The following GPR153 variants were observed in gnomAD, a reference collection of about 807,000 sequenced individuals.
GPR153 encodes the protein G protein-coupled receptor 153.
GPR153 carries 27 observed loss-of-function variants against 34.1 expected under a neutral mutation model. That is an observed-to-expected ratio of 0.79 (90% CI 0.58 to 1.09). GPR153 has a LOEUF of 1.09. Ranked by LOEUF, GPR153 falls within the 50% of genes least tolerant of loss-of-function variation. The pLI is 0.00. For synonymous variants in GPR153, 408 were observed against 405.4 expected (o/e 1.01, Z -0.08); for missense variants, 848 against 860.2 (o/e 0.99, Z 0.18).
At chr1:6,255,642 G>GTTTTTTTTTTTTTTTTTTTTTTTTT (rs59403526) in intron 1 of GPR153, among the ~76,000 whole-genome samples, 1 of 38,840 alleles carries the variant, frequency 2.6e-5, no homozygotes, top group African/African-American at 9.6e-5. Flanking sequence ...GCCTGGCTAC[G>GTTTTTTTTTTTTTTTTTTTTTTTTT]TTTTTTTTTT....
chr1:6,256,375 CTT>C (rs70981378), intron 1 of GPR153, among the ~76,000 whole-genome samples: 13 of 141,448 alleles, frequency 9.2e-5, no homozygotes, highest in African/African-American at 7.8e-5. Flanking sequence ...TCTTTCTTTT[CTT>C]TTTTTTTTTT....
Position 6,250,003 on chromosome 1 carries a change from C to A in GPR153, c.1165G>T (p.Val389Phe). ...LQEDKMQYLQ[V>F]PPTRRFSHDD... ...TGGGAGAAGCGCCGCGTGGGCGGGA[C>A]CTGTCAGGACGCGGCTGGCTTTTAC... Residue 389 changes from valine (V) to phenylalanine (F), a missense_variant and splice_region_variant, in exon 6 of 6, where the codon GTC (valine) becomes TTC (phenylalanine). Physicochemically the swap from Val to Phe is conservative, Grantham distance 50. Coordinates refer to ENST00000377893, the MANE Select transcript of GPR153 (RefSeq NM_207370.4). 4 of 1,257,236 alleles carry A rather than the reference C, an allele frequency of 3.2e-6. No homozygotes were observed. Among genetic ancestry groups the A allele is most frequent in the Non-Finnish European group, 3.0e-6 (3 of 994,438 alleles). The allele number at this position is 1,257,236 out of a possible 1,614,324, so 77.9% of individuals were successfully genotyped here. A position where few individuals can be genotyped will look rare whatever the true frequency, so the allele number is the denominator to read the frequency against.
In GPR153 at chr1:6,254,822, G is replaced by A. The variant is rs1418238792; in HGVS notation, c.84C>T (p.Gly28=). ...GGLSLLANAW[G]ILSVGAKQKK... ...TCTGCTTGGCGCCAACGCTGAGGAT[G>A]CCCCAGGCATTGGCCAGCAGGGAGA... The change falls in exon 2 of 6, where the codon GGC becomes GGT. Residue 28 remains glycine (G), a synonymous_variant. Transcript: ENST00000377893. 6.2e-7 allele frequency: 1 copy of A among 1,612,564 alleles called. No individual in the cohort carries two copies. The highest frequency in any genetic ancestry group is 1.1e-5 in the South Asian group (1 of 91,006).
In GPR153 at chr1:6,260,969, G is replaced by A. The variant is rs1035178893; in HGVS notation, c.-254C>T. ...GCGGCCCGCGGGCCGGGGCATGCTG[G>A]CGGCGGCCACCGGCGGCCGGCGCGC... On this transcript the variant is annotated 5_prime_UTR_variant, in exon 1 of 6. Coordinates refer to ENST00000377893, the MANE Select transcript of GPR153 (RefSeq NM_207370.4). 6.8e-6 allele frequency: 1 copy of A among 146,058 alleles called. No homozygotes were observed. Among genetic ancestry groups the A allele is most frequent in the African/African-American group, 2.5e-5 (1 of 40,756 alleles). The allele number at this position is 146,058 out of a possible 1,614,324, so 9.0% of individuals were successfully genotyped here.
chr1:6,257,700 C>T (rs939787438), intron 1 of GPR153, among the ~76,000 whole-genome samples: 2 of 152,238 alleles, frequency 1.3e-5, no homozygotes, highest in East Asian at 1.9e-4. Context: ...GAGGAAGTGC[C>T]GATGGCCTTT....
rs745735949 is a variant in GPR153 at position 6,251,370 on chromosome 1, G to A, written c.947C>T (p.Ala316Val). The change falls in exon 4 of 6, where the codon GCC (alanine) becomes GTC (valine). Residue 316 changes from alanine to valine, a missense_variant. By Grantham distance (64) the Ala-to-Val change is moderately conservative (BLOSUM62 0). Transcript: ENST00000377893. The surrounding 1 kb of genome is among the most constrained non-coding windows in gnomAD (Gnocchi z 4.9). Reference sequence around the variant, plus strand: ...TGACTCCTCGTCGTTGGCCATGAGGGCCATGCACTTCTCCCGGACAGCTTT... The same window carrying A: ...TGACTCCTCGTCGTTGGCCATGAGGACCATGCACTTCTCCCGGACAGCTTT... ...DLKAVREKCM[A>V]LMANDEESDD... 2 of 1,612,210 alleles carry A rather than the reference G, an allele frequency of 1.2e-6. No individual in the cohort carries two copies. Among genetic ancestry groups the A allele is most frequent in the South Asian group, 2.2e-5 (2 of 90,888 alleles).
Position 6,248,873 on chromosome 1 carries a change from C to G in GPR153, c.*465G>C, listed in dbSNP as rs1638361549. ...AGACCCTCTGTACCCTCCCCCCCCC[C>G]GAAGGGTGTGGCGGTTATGGTGCAG... is the stretch of plus-strand genomic sequence containing the variant. On this transcript the variant is annotated 3_prime_UTR_variant, in exon 6 of 6. Transcript: ENST00000377893. 1 of 154,000 alleles carries G rather than the reference C, an allele frequency of 6.5e-6. No individual in the cohort carries two copies. Among genetic ancestry groups the G allele is most frequent in the Middle Eastern group, 3.4e-3 (1 of 298 alleles). 9.5% of individuals were successfully genotyped at this position (154,000 alleles called of 1,614,324 possible). A position where few individuals can be genotyped will look rare whatever the true frequency, so the allele number is the denominator to read the frequency against.
Position 6,254,124 on chromosome 1 carries a change from G to T in GPR153, c.380C>A (p.Ala127Glu). 1 of 1,609,938 alleles carries T rather than the reference G, an allele frequency of 6.2e-7. No individual in the cohort carries two copies. The highest frequency in any genetic ancestry group is 8.5e-7 in the Non-Finnish European group (1 of 1,176,950). ...NYRLSNAKKQ[A>E]VHTVMGIWMV... ...CCAGATACCCATGACTGTGTGCACC[G>T]CCTGCTTCTTGGCATTGCTCAGCCT... The change falls in exon 3 of 6, where the codon GCG (alanine) becomes GAG (glutamate). Residue 127 changes from alanine to glutamate, a missense_variant. By Grantham distance (107) the Ala-to-Glu change is moderately radical. Transcript: ENST00000377893.
Position 6,251,403 on chromosome 1 carries a change from G to C in GPR153, c.914C>G (p.Ala305Gly), listed in dbSNP as rs1199831777. The part of the protein sequence containing the change: ...VFLWACDRYR[A>G]DLKAVREKCM... ...CTTCTCCCGGACAGCTTTGAGGTCAGCCCGGTAGCGGTCGCAGGCCCAGAG... is the reference window on the plus strand; with the variant it reads ...CTTCTCCCGGACAGCTTTGAGGTCACCCCGGTAGCGGTCGCAGGCCCAGAG... Residue 305 changes from alanine to glycine, a missense_variant, in exon 4 of 6, where the codon GCT becomes GGT. Ala to Gly is a moderately conservative substitution (Grantham distance 60). Transcript: ENST00000377893. This position sits in a 1 kb window ranked among gnomAD's most constrained non-coding sequence, Gnocchi z 4.9. The C allele has an allele frequency of 1.2e-6, 2 of 1,613,484 alleles. No individual in the cohort carries two copies. The highest frequency in any genetic ancestry group is 1.7e-6 in the Non-Finnish European group (2 of 1,179,946).
chr1:6,258,348 C>T (rs1005429750), intron 1 of GPR153, among the ~76,000 whole-genome samples: 2 of 152,174 alleles, frequency 1.3e-5, no homozygotes, highest in African/African-American at 4.8e-5. Flanking sequence ...AGGCTGGTCT[C>T]GAACTCCTGA....
intron 4 of GPR153, 99 bp from the exon 5 acceptor site, chr1:6,250,723 A>G (rs1232441499): frequency 1.5e-6 from 1 of 651,530 alleles, no homozygotes; most frequent in Non-Finnish European, 2.7e-6. Flanking sequence ...AGATCCCCCA[A>G]CAGACATATA....
At position 6,251,813 on chromosome 1, in the gene GPR153, T is replaced by G. The variant is rs555601086; in HGVS notation, c.787-283A>C. 6.6e-6 allele frequency among the ~76,000 whole-genome samples: 1 copy of G among 152,290 alleles called. No homozygotes were observed. Among genetic ancestry groups the G allele is most frequent in the East Asian group, 1.9e-4 (1 of 5,182 alleles). Reference sequence around the variant, plus strand: ...GATTACCACCTCCTCCCCGCTTTGTTTTGAGACAGTCTCATTCTGTCACCC... The same window carrying G: ...GATTACCACCTCCTCCCCGCTTTGTGTTGAGACAGTCTCATTCTGTCACCC... On this transcript the variant is annotated intron_variant, in intron 3 of 5. Coordinates refer to ENST00000377893, the MANE Select transcript of GPR153 (RefSeq NM_207370.4). The surrounding 1 kb of genome is among the most constrained non-coding windows in gnomAD (Gnocchi z 4.9).
intron 1 of GPR153, among the ~76,000 whole-genome samples, chr1:6,258,805 C>T (rs554440818): frequency 6.7e-6 from 1 of 150,078 alleles, no homozygotes; most frequent in Non-Finnish European, 1.5e-5. Context: ...CGTGAACAAG[C>T]TCTGTCTAGC....
chr1:6,251,110 C>T lies in GPR153; in HGVS notation c.979+228G>A, dbSNP rs1638438971. Among the ~76,000 whole-genome samples, 1 of 152,170 alleles carries T rather than the reference C, an allele frequency of 6.6e-6. No individual in the cohort carries two copies. Among genetic ancestry groups the T allele is most frequent in the Admixed American group, 6.5e-5 (1 of 15,278 alleles). On this transcript the variant is annotated intron_variant, in intron 4 of 5. Coordinates refer to ENST00000377893, the MANE Select transcript of GPR153 (RefSeq NM_207370.4). The surrounding 1 kb of genome is among the most constrained non-coding windows in gnomAD (Gnocchi z 4.9). ...CCCTGCTCTCTGTTAACCAGAACATCCCATTACTTGGAACCTGGGGCAGCC... is the reference window on the plus strand; with the variant it reads ...CCCTGCTCTCTGTTAACCAGAACATTCCATTACTTGGAACCTGGGGCAGCC...
Position 6,249,312 on chromosome 1 carries a change from G to C in GPR153, c.*26C>G. The C allele has an allele frequency of 8.0e-7, 1 of 1,255,580 alleles. No homozygotes were observed. Among genetic ancestry groups the C allele is most frequent in the Non-Finnish European group, 1.0e-6 (1 of 1,000,404 alleles). 77.8% of individuals were successfully genotyped at this position (1,255,580 alleles called of 1,614,324 possible). The stretch of plus-strand genomic sequence containing the variant: ...CCCGGAGAGCGGCCTGGCCTGCCTG[G>C]CGTCCGTGGGGAGGCGCCGGCGGTC... On this transcript the variant is annotated 3_prime_UTR_variant, in exon 6 of 6. Coordinates refer to ENST00000377893, the MANE Select transcript of GPR153 (RefSeq NM_207370.4). This position sits in a 1 kb window ranked among gnomAD's most constrained non-coding sequence, Gnocchi z 4.3.
Position 6,249,450 on chromosome 1 carries a change from C to A in GPR153, c.1718G>T (p.Gly573Val). Residue 573 changes from glycine to valine, a missense_variant, in exon 6 of 6, where the codon GGG becomes GTG. Coordinates refer to ENST00000377893, the MANE Select transcript of GPR153 (RefSeq NM_207370.4). The surrounding 1 kb of genome is among the most constrained non-coding windows in gnomAD (Gnocchi z 4.3). ...PGLSASWGEP[G>V]GLRAAGGGGS... The stretch of plus-strand genomic sequence containing the variant: ...GCCGCCGCCCGCCGCGCGCAGCCCC[C>A]CGGGCTCGCCCCACGACGCGCTCAG... 1.5e-6 allele frequency: 2 copies of A among 1,350,638 alleles called. No individual in the cohort carries two copies. Among genetic ancestry groups the A allele is most frequent in the Non-Finnish European group, 1.9e-6 (2 of 1,056,454 alleles). 83.7% of individuals were successfully genotyped at this position (1,350,638 alleles called of 1,614,324 possible). A position where few individuals can be genotyped will look rare whatever the true frequency, so the allele number is the denominator to read the frequency against.
At chr1:6,252,036 C>T (rs1009224383) in intron 3 of GPR153, among the ~76,000 whole-genome samples, 7 of 152,214 alleles carry the variant, frequency 4.6e-5, no homozygotes, top group African/African-American at 1.7e-4. Context: ...TCTACCACCC[C>T]CTTCCCGGCC....
intron 2 of GPR153, 131 bp downstream of exon 2, chr1:6,254,419 C>T (rs12740426): frequency 0.65 from 580,986 of 890,352 alleles, 194,199 homozygotes; most frequent in Admixed American, 0.74. Context: ...ACAGCAGCCC[C>T]TCCTGAGCCT....
chr1:6,253,182 A>T (rs930433461), intron 3 of GPR153, among the ~76,000 whole-genome samples: 2 of 152,190 alleles, frequency 1.3e-5, no homozygotes, highest in African/African-American at 4.8e-5. Context: ...ACCTGAGGTC[A>T]GGAGTTCGAG....
Sources: allele counts gnomAD v4.1 joint callset (sites outside exome capture counted in the v4.1 genomes callset), GRCh38; gene constraint gnomAD v4.1.1; non-coding constraint Gnocchi (gnomAD v3.1); transcripts MANE v1.5; gene names NCBI Gene and HGNC (gene_info 2026-07-23, HGNC 2026-07-21).